The following FGFRL1 variants were observed in gnomAD, a reference collection of about 807,000 sequenced individuals.
FGFRL1 encodes the protein fibroblast growth factor receptor-like 1.
A neutral mutation model predicts 36.8 loss-of-function variants in FGFRL1; 24 were observed. The ratio of observed to expected loss-of-function variants is 0.65; its 90% CI spans 0.47 to 0.92. The LOEUF is 0.92. Among genes scored for constraint, FGFRL1 ranks in the 40% least tolerant of loss-of-function variants. The probability of loss-of-function intolerance (pLI) is 0.00; values close to 1 mark genes in which losing one functional copy is unlikely to be tolerated. For synonymous variants in FGFRL1, 422 were observed against 344.1 expected (o/e 1.23, Z -2.50); for missense variants, 785 against 753.4 (o/e 1.04, Z -0.49).
chr4:1,017,184 C>G (rs1253394295), intron 2 of FGFRL1, among the ~76,000 whole-genome samples: 1 of 152,178 alleles, frequency 6.6e-6, no homozygotes. Context: ...ACCCCGTGGC[C>G]AGGTCCTGGG....
intron 2 of FGFRL1, among the ~76,000 whole-genome samples, chr4:1,014,397 G>A (rs193267314): frequency 1.2e-4 from 19 of 152,262 alleles, no homozygotes; most frequent in Non-Finnish European, 1.8e-4. Flanking sequence ...GAAGGAAGTC[G>A]TTTCAGGGCT....
intron 2 of FGFRL1, among the ~76,000 whole-genome samples, chr4:1,020,350 C>T (rs112309504): frequency 6.6e-6 from 1 of 152,056 alleles, no homozygotes; most frequent in Non-Finnish European, 1.5e-5. Flanking sequence ...GCCGCCTCTC[C>T]GACATGGAGA....
chr4:1,012,616 C>T (rs1577554004), intron 2 of FGFRL1, 52 bp downstream of exon 2: 2 of 857,050 alleles, frequency 2.3e-6, no homozygotes, highest in South Asian at 2.0e-5. Flanking sequence ...GCGCCGCCCC[C>T]TTCCCGCCCG....
rs993755325 is a variant in FGFRL1, at chr4:1,023,624, C to A, written c.353-17C>A. The A allele has an allele frequency of 6.3e-7, 1 of 1,589,316 alleles. No individual in the cohort carries two copies. The highest frequency in any genetic ancestry group is 1.8e-5 in the Admixed American group (1 of 56,744). On this transcript the variant is annotated splice_polypyrimidine_tract_variant and intron_variant, in intron 3 of 6. Transcript: ENST00000510644. This position sits in a 1 kb window ranked among gnomAD's most constrained non-coding sequence, Gnocchi z 6.0. ...CCCCCTCACCTGCCCTCCCTGTGCACCTCCGTCTCTCTGCAGATGACATTA... is the reference window on the plus strand; with the variant it reads ...CCCCCTCACCTGCCCTCCCTGTGCAACTCCGTCTCTCTGCAGATGACATTA...
chr4:1,016,514 G>A (rs1429206826), intron 2 of FGFRL1, among the ~76,000 whole-genome samples: 1 of 152,128 alleles, frequency 6.6e-6, no homozygotes, highest in Admixed American at 6.5e-5. Context: ...GTGTCGAGGA[G>A]GGGGAGCAGT....
intron 2 of FGFRL1, among the ~76,000 whole-genome samples, chr4:1,018,763 G>T (rs1716025019): frequency 6.6e-6 from 1 of 152,196 alleles, no homozygotes; most frequent in Non-Finnish European, 1.5e-5. Flanking sequence ...CCGTCCAGGT[G>T]GCGTGGTGCC....
chr4:1,014,109 G>C (rs570427051), intron 2 of FGFRL1, among the ~76,000 whole-genome samples: 2 of 152,212 alleles, frequency 1.3e-5, no homozygotes, highest in Admixed American at 6.5e-5. Context: ...GTGCACCTTC[G>C]TTAGGCCAAG....
chr4:1,021,252 A>G (rs1016800854), intron 2 of FGFRL1, among the ~76,000 whole-genome samples: 41 of 151,870 alleles, frequency 2.7e-4, no homozygotes, highest in African/African-American at 9.7e-4. Context: ...CTGCCAGGAA[A>G]GGAGGCCTCT....
chr4:1,011,965 C>T lies in FGFRL1; in HGVS notation c.-17+11C>T, dbSNP rs1715607520. The T allele has an allele frequency of 6.9e-6, 1 of 145,696 alleles. No individual in the cohort carries two copies. The highest frequency in any genetic ancestry group is 1.5e-5 in the Non-Finnish European group (1 of 65,664). The allele number at this position is 145,696 out of a possible 1,614,324, so 9.0% of individuals were successfully genotyped here. A position where few individuals can be genotyped will look rare whatever the true frequency, so the allele number is the denominator to read the frequency against. ...GAGCCCCCCGCCGAGGTGAGCCCCC[C>T]GCGCGCGCGGCCGCGACCCCAGGTG... On this transcript the variant is annotated intron_variant, in intron 1 of 6. Coordinates refer to ENST00000510644, the MANE Select transcript of FGFRL1 (RefSeq NM_001004356.3).
chr4:1,025,353 A>T lies in FGFRL1; in HGVS notation c.*6A>T. ...ACATCCACTATCAGTGCTAGACGGC[A>T]CCGTATCTGCAGTGGGCACGGGGGG... On this transcript the variant is annotated 3_prime_UTR_variant, in exon 7 of 7. Coordinates refer to ENST00000510644, the MANE Select transcript of FGFRL1 (RefSeq NM_001004356.3). 6.5e-7 allele frequency: 1 copy of T among 1,540,172 alleles called. No homozygotes were observed. Among genetic ancestry groups the T allele is most frequent in the Non-Finnish European group, 8.8e-7 (1 of 1,139,028 alleles).
chr4:1,025,866 GAC>G lies in FGFRL1; in HGVS notation c.*534_*535del, dbSNP rs56398186. ...CACACACATGCACGGATATTGCCTGGACACACACACACACACGTGTGCACAGA... is the reference window on the plus strand; with the variant it reads ...CACACACATGCACGGATATTGCCTGGACACACACACACACGTGTGCACAGA... On this transcript the variant is annotated 3_prime_UTR_variant, in exon 7 of 7. Transcript: ENST00000510644. 0.017 allele frequency: 2,769 copies of G among 165,154 alleles called. 35 individuals are homozygous for G. The highest frequency in any genetic ancestry group is 0.037 in the African/African-American group (1,486 of 40,066). 10.2% of individuals were successfully genotyped at this position (165,154 alleles called of 1,614,324 possible).
chr4:1,022,980 C>G (rs1036982796), intron 3 of FGFRL1, among the ~76,000 whole-genome samples: 3 of 151,802 alleles, frequency 2.0e-5, no homozygotes, highest in Non-Finnish European at 4.4e-5. Flanking sequence ...GTGGGGCCCT[C>G]GGGTGGAGCT....
intron 2 of FGFRL1, among the ~76,000 whole-genome samples, chr4:1,016,549 G>T (rs946952386): frequency 7.2e-5 from 11 of 152,102 alleles, no homozygotes; most frequent in African/African-American, 2.4e-4. Context: ...GTTGCAGAAG[G>T]TTCCCCCGAA....
intron 2 of FGFRL1, among the ~76,000 whole-genome samples, chr4:1,017,232 C>G (rs1009328291): frequency 1.3e-5 from 2 of 152,132 alleles, no homozygotes; most frequent in African/African-American, 4.8e-5. Context: ...AACTTTGGGC[C>G]ATGCAGGGCC....
At chr4:1,019,467 G>T (rs1273736347) in intron 2 of FGFRL1, among the ~76,000 whole-genome samples, 1 of 152,208 alleles carries the variant, frequency 6.6e-6, no homozygotes, top group Non-Finnish European at 1.5e-5. Context: ...CCTTGGTCCC[G>T]GGAGGCCCTG....
rs760242543 is a variant in FGFRL1 at position 1,022,355 on chromosome 4, C to G, written c.232C>G (p.Arg78Gly). 6.2e-7 allele frequency: 1 copy of G among 1,607,668 alleles called. No individual in the cohort carries two copies. The highest frequency in any genetic ancestry group is 1.1e-5 in the South Asian group (1 of 90,530). Residue 78 changes from arginine to glycine, a missense_variant, in exon 3 of 7, where the codon CGC becomes GGC. By Grantham distance (125) the Arg-to-Gly change is moderately radical. Coordinates refer to ENST00000510644, the MANE Select transcript of FGFRL1 (RefSeq NM_001004356.3). Reference sequence around the variant, plus strand: ...CATCCACAGCGGCTGGAGCCGCTTCCGCGTGCTGCCGCAGGGGCTGAAGGT... The same window carrying G: ...CATCCACAGCGGCTGGAGCCGCTTCGGCGTGCTGCCGCAGGGGCTGAAGGT... Reference protein sequence around the residue: ...RTIHSGWSRFRVLPQGLKVKQ... With the variant: ...RTIHSGWSRFGVLPQGLKVKQ...
Position 1,025,496 on chromosome 4 carries a change from T to A in FGFRL1, c.*149T>A. On this transcript the variant is annotated 3_prime_UTR_variant, in exon 7 of 7. Transcript: ENST00000510644. Reference sequence around the variant, plus strand: ...CAGTCTGTGTGTGAGGCATAGCCCCTGGACACACACACACAGACACACACA... The same window carrying A: ...CAGTCTGTGTGTGAGGCATAGCCCCAGGACACACACACACAGACACACACA... 1 of 882,952 alleles carries A rather than the reference T, an allele frequency of 1.1e-6. No homozygotes were observed. The highest frequency in any genetic ancestry group is 1.8e-5 in the South Asian group (1 of 56,686). The allele number at this position is 882,952 out of a possible 1,614,324, so 54.7% of individuals were successfully genotyped here.
At chr4:1,020,302 C>T (rs1163856771) in intron 2 of FGFRL1, among the ~76,000 whole-genome samples, 1 of 152,152 alleles carries the variant, frequency 6.6e-6, no homozygotes, top group Non-Finnish European at 1.5e-5. Context: ...CACCCATGGG[C>T]TGGCGAGAGA....
At chr4:1,014,015 C>T (rs1715749002) in intron 2 of FGFRL1, among the ~76,000 whole-genome samples, 1 of 152,236 alleles carries the variant, frequency 6.6e-6, no homozygotes, top group Admixed American at 6.5e-5. Context: ...GGAGGAGGTT[C>T]TTCCGGACTG....
Sources: allele counts gnomAD v4.1 joint callset (sites outside exome capture counted in the v4.1 genomes callset), GRCh38; gene constraint gnomAD v4.1.1; non-coding constraint Gnocchi (gnomAD v3.1); transcripts MANE v1.5; gene names NCBI Gene and HGNC (gene_info 2026-07-23, HGNC 2026-07-21).